SEPSECS: variants seen among roughly 807,000 people sequenced by gnomAD.
SEPSECS encodes the protein Sep (O-phosphoserine) tRNA:Sec (selenocysteine) tRNA synthase, also known as O-phosphoseryl-tRNA(Sec) selenium transferase.
In SEPSECS, 42 loss-of-function variants were observed where a neutral mutation model predicts 52.1. The observed-to-expected ratio is 0.81, with a 90% CI of 0.63 to 1.04. The LOEUF is 1.04. Among genes scored for constraint, SEPSECS ranks in the 50% least tolerant of loss-of-function variants. The pLI is 0.00. For synonymous variants in SEPSECS, 216 were observed against 211.4 expected, an observed-to-expected ratio of 1.02 and a Z score of -0.19; for missense variants, 590 against 610.6, an observed-to-expected ratio of 0.97 and a Z score of 0.36.
Position 25,156,130 on chromosome 4 carries a change from AAC to A in SEPSECS, c.452_453del (p.Cys151PhefsTer26). ...PMATGMSLTL[C>X]FLTLRHKRPK... ...GGTCTTTTGTGTCGTAATGTTAAGA[AAC>A]ACAGAGTTAGACTCATACCAGTTGC... On this transcript the variant is annotated frameshift_variant, in exon 4 of 11. Coordinates refer to ENST00000382103, the MANE Select transcript of SEPSECS (RefSeq NM_016955.4). LOFTEE classifies it high-confidence loss of function. The A allele has an allele frequency of 6.2e-7, 1 of 1,613,944 alleles. No homozygotes were observed. Among genetic ancestry groups the A allele is most frequent in the Non-Finnish European group, 8.5e-7 (1 of 1,179,850 alleles).
At chr4:25,156,521 G>A (rs986951209) in intron 3 of SEPSECS, among the ~76,000 whole-genome samples, 25 of 151,550 alleles carry the variant, frequency 1.6e-4, no homozygotes, top group African/African-American at 5.1e-4. Flanking sequence ...TGGCTAACAC[G>A]GTGAGACCCC....
intron 5 of SEPSECS, among the ~76,000 whole-genome samples, chr4:25,154,725 A>G (rs1204984779): frequency 6.6e-6 from 1 of 152,200 alleles, no homozygotes. Context: ...GAGATCAGAA[A>G]CAGGACAAAG....
intron 8 of SEPSECS, among the ~76,000 whole-genome samples, chr4:25,131,192 G>A (rs1445968127): frequency 2.6e-5 from 4 of 152,054 alleles, no homozygotes; most frequent in African/African-American, 4.8e-5. Context: ...CATGAAATCC[G>A]ACATCTAGCC....
At chr4:25,126,376 T>C (rs1728370893) in intron 9 of SEPSECS, among the ~76,000 whole-genome samples, 1 of 152,178 alleles carries the variant, frequency 6.6e-6, no homozygotes, top group Admixed American at 6.6e-5. Context: ...TATCACCTTC[T>C]ATAACATCTA....
rs765059074 is a variant in SEPSECS, at chr4:25,125,792, A to G, written c.1121-8T>C. ...GTGTTTTAAGTGTCATAGCTGAAAAAGAAAAAAGTATCCTAATAAGCCTTG... is the reference window on the plus strand; with the variant it reads ...GTGTTTTAAGTGTCATAGCTGAAAAGGAAAAAAGTATCCTAATAAGCCTTG... On this transcript the variant is annotated splice_region_variant and splice_polypyrimidine_tract_variant and intron_variant, in intron 9 of 10. Coordinates refer to ENST00000382103, the MANE Select transcript of SEPSECS (RefSeq NM_016955.4). The G allele has an allele frequency of 1.3e-6, 2 of 1,586,362 alleles. No individual in the cohort carries two copies. The highest frequency in any genetic ancestry group is 1.7e-6 in the Non-Finnish European group (2 of 1,156,018).
intron 6 of SEPSECS, among the ~76,000 whole-genome samples, chr4:25,149,410 T>C (rs979206976): frequency 6.6e-6 from 1 of 152,098 alleles, no homozygotes; most frequent in African/African-American, 2.4e-5. Context: ...AATTTTCTAG[T>C]ATTTAAAAAT....
chr4:25,143,355 T>TA (rs891888158), intron 8 of SEPSECS, among the ~76,000 whole-genome samples: 3 of 152,190 alleles, frequency 2.0e-5, no homozygotes, highest in African/African-American at 7.2e-5. Flanking sequence ...CCCCAATCCC[T>TA]ACCCTTTAGC....
At chr4:25,146,466 T>C (rs976123117) in intron 6 of SEPSECS, among the ~76,000 whole-genome samples, 34 of 65,796 alleles carry the variant, frequency 5.2e-4, no homozygotes, top group African/African-American at 2.0e-3. Flanking sequence ...CATATAAGAC[T>C]AACAGAATAA....
intron 1 of SEPSECS, chr4:25,159,833 G>A: frequency 9.2e-7 from 1 of 1,089,006 alleles, no homozygotes; most frequent in Non-Finnish European, 1.1e-6. Context: ...TGGCAGGAGG[G>A]AGACCTGTGA....
chr4:25,132,679 T>C (rs908738039), intron 8 of SEPSECS, among the ~76,000 whole-genome samples: 4 of 152,258 alleles, frequency 2.6e-5, no homozygotes, highest in Non-Finnish European at 5.9e-5. Flanking sequence ...TTCTCTCTTA[T>C]AAATTCTATA....
chr4:25,135,784 C>T (rs10026230), intron 8 of SEPSECS, among the ~76,000 whole-genome samples: 94,182 of 151,856 alleles, frequency 0.62, 29,721 homozygotes, highest in Non-Finnish European at 0.67. Flanking sequence ...TGAATATCGA[C>T]GCAAAAATCC....
chr4:25,160,087 G>A, intron 1 of SEPSECS, 169 bp downstream of exon 1: 1 of 985,436 alleles, frequency 1.0e-6, no homozygotes, highest in Non-Finnish European at 1.2e-6. Context: ...TGGCAAGGCT[G>A]AGAAGGCACA....
Position 25,160,327 on chromosome 4 carries a change from G to A in SEPSECS, c.43C>T (p.Pro15Ser), listed in dbSNP as rs994588089. The A allele has an allele frequency of 7.7e-6, 12 of 1,548,824 alleles. No individual in the cohort carries two copies. Among genetic ancestry groups the A allele is most frequent in the Non-Finnish European group, 1.0e-5 (12 of 1,145,984 alleles). The change falls in exon 1 of 11, where the codon CCG becomes TCG. Residue 15 changes from proline (P) to serine (S), a missense_variant. Transcript: ENST00000382103. ...SFAAGERLVS[P>S]AYVRQGCEAR... ...TCACAGCCCTGCCGCACGTAAGCCG[G>A]CGACACCAGCCGCTCTCCCGCCGCG...
At chr4:25,159,846 T>C (rs1712948292) in intron 1 of SEPSECS, 6 of 1,086,834 alleles carry the variant, frequency 5.5e-6, no homozygotes. Flanking sequence ...ACCTGTGAAG[T>C]TCCGCGGAAA....
rs1728251177 is a variant in SEPSECS, at chr4:25,124,070, C to A, written c.1367G>T (p.Arg456Met). 3 of 1,613,662 alleles carry A rather than the reference C, an allele frequency of 1.9e-6. No homozygotes were observed. Among genetic ancestry groups the A allele is most frequent in the African/African-American group, 2.7e-5 (2 of 74,864 alleles). ...TTCTTTTCTTACTGCCTTTAAACAC[C>A]TGTCAAGTCTCTTTATGAACAGGTC... Reference protein sequence around the residue: ...DVDLFIKRLDRCLKAVRKERS... With the variant: ...DVDLFIKRLDMCLKAVRKERS... Residue 456 changes from arginine to methionine, a missense_variant, in exon 11 of 11, where the codon AGG (arginine) becomes ATG (methionine). Coordinates refer to ENST00000382103, the MANE Select transcript of SEPSECS (RefSeq NM_016955.4).
chr4:25,132,057 G>A (rs905400789), intron 8 of SEPSECS, among the ~76,000 whole-genome samples: 3 of 152,076 alleles, frequency 2.0e-5, no homozygotes, highest in Admixed American at 1.3e-4. Context: ...GATCAGGAAG[G>A]GGATAAGGGC....
At chr4:25,139,756 G>A (rs1728986855) in intron 8 of SEPSECS, among the ~76,000 whole-genome samples, 1 of 152,128 alleles carries the variant, frequency 6.6e-6, no homozygotes, top group East Asian at 1.9e-4. Flanking sequence ...ACCATGAGGT[G>A]TGATGTGGTA....
chr4:25,156,770 G>T, intron 3 of SEPSECS, 86 bp downstream of exon 3: 1 of 663,856 alleles, frequency 1.5e-6, no homozygotes, highest in South Asian at 1.5e-5. Context: ...ACTCTTTTTG[G>T]AAAGGGGCAA....
At chr4:25,137,184 G>T (rs1332454735) in intron 8 of SEPSECS, among the ~76,000 whole-genome samples, 1 of 152,118 alleles carries the variant, frequency 6.6e-6, no homozygotes, top group African/African-American at 2.4e-5. Flanking sequence ...AATGTCAAAA[G>T]CAATTGCAAC....
Sources: gnomAD v4.1 joint callset for allele counts (sites outside exome capture counted in the v4.1 genomes callset) on GRCh38, gnomAD v4.1.1 for gene constraint, MANE v1.5 for transcripts, NCBI Gene and HGNC (gene_info 2026-07-23, HGNC 2026-07-21) for gene names.